KDM4C: variants seen among roughly 807,000 people sequenced by gnomAD.
KDM4C encodes lysine-specific demethylase 4C.
KDM4C carries 81 observed loss-of-function variants against 129.3 expected under a neutral mutation model. The observed-to-expected ratio is 0.63, with a 90% CI of 0.52 to 0.75. The LOEUF is 0.75. Ranked by LOEUF, KDM4C falls within the 30% of genes least tolerant of loss-of-function variation. KDM4C has a pLI of 0.00. For synonymous variants in KDM4C, 573 were observed against 456.1 expected (o/e 1.26, Z -3.26); for missense variants, 1,457 against 1,304.0 (o/e 1.12, Z -1.81).
intron 18 of KDM4C, among the ~76,000 whole-genome samples, chr9:7,125,977 G>C (rs1839987892): frequency 6.6e-6 from 1 of 152,150 alleles, no homozygotes; most frequent in African/African-American, 2.4e-5. Flanking sequence ...GGCTTTGTAG[G>C]AGTTCCTGAA....
chr9:7,107,236 A>G (rs1837795868), intron 18 of KDM4C, among the ~76,000 whole-genome samples: 1 of 152,232 alleles, frequency 6.6e-6, no homozygotes, highest in Admixed American at 6.5e-5. Flanking sequence ...ACTTGGATAT[A>G]TTCCTAACCC....
At position 6,786,249 on chromosome 9, in the gene KDM4C, G is replaced by T. The variant is rs150417760; in HGVS notation, c.-17-6723G>T. On this transcript the variant is annotated intron_variant, in intron 1 of 21. Coordinates refer to ENST00000381309, the MANE Select transcript of KDM4C (RefSeq NM_015061.6). Reference sequence around the variant, plus strand: ...CTTTTTTATTACCAAATAAAGACACGTTCTCATTAGAACAAGGAGAGTAGA... The same window carrying T: ...CTTTTTTATTACCAAATAAAGACACTTTCTCATTAGAACAAGGAGAGTAGA... 9.2e-5 allele frequency among the ~76,000 whole-genome samples: 14 copies of T among 152,236 alleles called. No individual in the cohort carries two copies. In the East Asian group the frequency reaches 2.7e-3, roughly 29 times the overall value.
upstream of KDM4C, chr9:6,757,568 C>T (rs184231836): frequency 2.5e-5 from 24 of 941,662 alleles, no homozygotes; most frequent in African/African-American, 3.2e-4. Flanking sequence ...CCCCGACTTT[C>T]TCGCCAGGCT....
intron 2 of KDM4C, among the ~76,000 whole-genome samples, chr9:6,799,166 G>A (rs1373335640): frequency 1.3e-5 from 2 of 152,128 alleles, no homozygotes; most frequent in Non-Finnish European, 2.9e-5. Context: ...ACGGGGTGGC[G>A]GCCGGGCAGA....
At chr9:6,770,767 CTT>C (rs753670348) in intron 1 of KDM4C, among the ~76,000 whole-genome samples, 18 of 81,738 alleles carry the variant, frequency 2.2e-4, no homozygotes, top group Admixed American at 3.8e-4. Flanking sequence ...GATTTTGATC[CTT>C]TTTTTTTTTT....
chr9:6,854,537 AAAAAAAAAC>A (rs1315174902), intron 5 of KDM4C, among the ~76,000 whole-genome samples: 114 of 146,298 alleles, frequency 7.8e-4, no homozygotes, highest in Admixed American at 2.3e-3. Flanking sequence ...AAAAAAAAAA[AAAAAAAAAC>A]AAAAAAAAAA....
At chr9:6,864,588 A>C (rs1010278254) in intron 5 of KDM4C, among the ~76,000 whole-genome samples, 1 of 151,790 alleles carries the variant, frequency 6.6e-6, no homozygotes, top group East Asian at 1.9e-4. Context: ...CTGCTGCCTC[A>C]GCCCTCCATA....
chr9:7,053,392 A>G (rs963422584), intron 17 of KDM4C, among the ~76,000 whole-genome samples: 1 of 152,158 alleles, frequency 6.6e-6, no homozygotes, highest in Admixed American at 6.5e-5. Flanking sequence ...CCTCTTATGT[A>G]TAATGGCCAG....
chr9:7,032,178 T>C (rs1245481541), intron 15 of KDM4C, among the ~76,000 whole-genome samples: 2 of 152,154 alleles, frequency 1.3e-5, no homozygotes, highest in Non-Finnish European at 2.9e-5. Context: ...TGAAGCTGAG[T>C]CCAATAAATT....
chr9:6,737,011 A>G (rs2130242117), intron 1 of KDM4C, among the ~76,000 whole-genome samples: 1 of 145,746 alleles, frequency 6.9e-6, no homozygotes, highest in East Asian at 2.0e-4. Flanking sequence ...AGATCACACC[A>G]CTACATTCCA....
chr9:7,039,883 A>C (rs1225772474), intron 15 of KDM4C, among the ~76,000 whole-genome samples: 1 of 152,030 alleles, frequency 6.6e-6, no homozygotes, highest in Non-Finnish European at 1.5e-5. Context: ...TCAAGCTTAC[A>C]TTGTTCATGG....
At chr9:6,970,332 A>G (rs1295159280) in intron 8 of KDM4C, among the ~76,000 whole-genome samples, 1 of 152,184 alleles carries the variant, frequency 6.6e-6, no homozygotes, top group African/African-American at 2.4e-5. Context: ...TCCCTCTTGT[A>G]GTTTACTTAC....
intron 5 of KDM4C, among the ~76,000 whole-genome samples, chr9:6,876,014 C>G (rs906394425): frequency 6.6e-6 from 1 of 152,148 alleles, no homozygotes; most frequent in Admixed American, 6.5e-5. Context: ...GAACATAGGG[C>G]CTGATCATCA....
At chr9:6,756,648 C>G (rs566048241), upstream of KDM4C, among the ~76,000 whole-genome samples, 5 of 152,158 alleles carry the variant, frequency 3.3e-5, no homozygotes, top group African/African-American at 1.2e-4. Context: ...ACCCGTGAGG[C>G]GGAGGTTGCA....
At chr9:6,866,176 C>T (rs530088576) in intron 5 of KDM4C, among the ~76,000 whole-genome samples, 3 of 152,108 alleles carry the variant, frequency 2.0e-5, no homozygotes, top group Admixed American at 1.3e-4. Context: ...TGAGCCACTG[C>T]ACCCATCCTT....
At chr9:6,957,221 A>G (rs1183024916) in intron 8 of KDM4C, among the ~76,000 whole-genome samples, 1 of 152,224 alleles carries the variant, frequency 6.6e-6, no homozygotes, top group Non-Finnish European at 1.5e-5. Flanking sequence ...CTGCTTAGGA[A>G]GATTATGTTC....
rs373378348 is a variant in KDM4C, at chr9:7,059,397, C to T, written c.2424+10197C>T. ...GGATTACAGGACTAAGCCACCGCGC[C>T]TAGCCCTCGAGAGTATTTTCGAAAT... On this transcript the variant is annotated intron_variant, in intron 17 of 21. Coordinates refer to ENST00000381309, the MANE Select transcript of KDM4C (RefSeq NM_015061.6). Among the ~76,000 whole-genome samples the T allele has an allele frequency of 3.3e-4, 51 of 152,332 alleles. No individual in the cohort carries two copies. In the South Asian group the frequency reaches 9.7e-3, roughly 29 times the overall value.
intron 4 of KDM4C, among the ~76,000 whole-genome samples, chr9:6,841,227 C>A (rs952444462): frequency 5.9e-5 from 9 of 151,878 alleles, no homozygotes; most frequent in African/African-American, 2.2e-4. Flanking sequence ...CATTATTGGC[C>A]CAGTTTGGAG....
intron 8 of KDM4C, among the ~76,000 whole-genome samples, chr9:6,949,689 A>C (rs1265745868): frequency 6.6e-6 from 1 of 152,182 alleles, no homozygotes; most frequent in African/African-American, 2.4e-5. Flanking sequence ...AAAAAATACG[A>C]AAACCAGTCA....
Sources: gnomAD v4.1 joint callset for allele counts (sites outside exome capture counted in the v4.1 genomes callset) on GRCh38, gnomAD v4.1.1 for gene constraint, MANE v1.5 for transcripts, NCBI Gene and HGNC (gene_info 2026-07-23, HGNC 2026-07-21) for gene names.